RUNX1T1: variants seen among roughly 807,000 people sequenced by gnomAD.
RUNX1T1 encodes protein CBFA2T1.
A neutral mutation model predicts 62.8 loss-of-function variants in RUNX1T1; 4 were observed. The ratio of observed to expected loss-of-function variants is 0.06; its 90% CI spans 0.03 to 0.15. The LOEUF (loss-of-function observed/expected upper bound fraction) is 0.15, where lower values mean the gene tolerates loss of function less well. Among genes scored for constraint, RUNX1T1 ranks in the 10% least tolerant of loss-of-function variants. The pLI is 1.00. For synonymous variants in RUNX1T1, 291 were observed against 286.0 expected, an observed-to-expected ratio of 1.02 and a Z score of -0.18; for missense variants, 508 against 754.3, an observed-to-expected ratio of 0.67 and a Z score of 3.82.
At chr8:92,072,255 A>T (rs1243981226) in intron 2 of RUNX1T1, among the ~76,000 whole-genome samples, 1 of 152,224 alleles carries the variant, frequency 6.6e-6, no homozygotes, top group East Asian at 1.9e-4. Flanking sequence ...TACATAATTA[A>T]CATTGTTATT....
intron 8 of RUNX1T1, among the ~76,000 whole-genome samples, chr8:91,978,926 C>T (rs921990285): frequency 7.2e-5 from 11 of 152,122 alleles, no homozygotes; most frequent in African/African-American, 2.7e-4. Flanking sequence ...ACATAGAAAC[C>T]CAATAGAAAT....
chr8:92,021,349 G>A (rs2131213490), intron 1 of RUNX1T1, among the ~76,000 whole-genome samples: 1 of 152,198 alleles, frequency 6.6e-6, no homozygotes, highest in Middle Eastern at 3.4e-3. Flanking sequence ...CCAATGTCTG[G>A]GTGTCAGATG....
intron 1 of RUNX1T1, among the ~76,000 whole-genome samples, chr8:92,041,345 C>T (rs1273247715): frequency 3.3e-5 from 5 of 152,182 alleles, no homozygotes; most frequent in African/African-American, 1.2e-4. Flanking sequence ...CAGGATTTCA[C>T]AAAGGCCGGG....
chr8:92,048,821 G>A (rs1373378139), intron 1 of RUNX1T1, among the ~76,000 whole-genome samples: 13 of 152,188 alleles, frequency 8.5e-5, no homozygotes. Context: ...CCAAGTAACT[G>A]AAATTGAAAA....
At chr8:92,062,165 C>G (rs914886047) in intron 1 of RUNX1T1, among the ~76,000 whole-genome samples, 4 of 152,178 alleles carry the variant, frequency 2.6e-5, no homozygotes, top group Non-Finnish European at 4.4e-5. Context: ...TCTGAAAACT[C>G]TCTCCACAGA....
chr8:92,071,181 T>C (rs1176105304), intron 2 of RUNX1T1: 1 of 152,162 alleles, frequency 6.6e-6, no homozygotes, highest in Non-Finnish European at 1.5e-5. Context: ...ATATTCCAAT[T>C]CCAAGAAAAG....
chr8:92,009,073 T>G (rs1225465864), intron 4 of RUNX1T1, among the ~76,000 whole-genome samples: 2 of 152,138 alleles, frequency 1.3e-5, no homozygotes, highest in African/African-American at 4.8e-5. Context: ...AGTTTCAAAT[T>G]TAAACGTATG....
intron 1 of RUNX1T1, among the ~76,000 whole-genome samples, chr8:92,021,924 T>C (rs940930821): frequency 6.7e-6 from 1 of 150,330 alleles, no homozygotes; most frequent in Non-Finnish European, 1.5e-5. Flanking sequence ...CCCGTCCCAC[T>C]TGCACATTCT....
At chr8:91,970,831 C>T (rs756642973) in exon 10 of RUNX1T1, 1 of 1,609,666 alleles carries the variant, frequency 6.2e-7, no homozygotes, top group Non-Finnish European at 8.5e-7. Context: ...TGGCGCTTCA[C>T]CTCATTGACG....
At chr8:92,092,186 C>T (rs1837128684) in intron 1 of RUNX1T1, among the ~76,000 whole-genome samples, 2 of 152,208 alleles carry the variant, frequency 1.3e-5, no homozygotes, top group South Asian at 2.1e-4. Context: ...ATATGGATAG[C>T]GTTGCCATTC....
chr8:91,964,897 C>G (rs893998687), intron 10 of RUNX1T1, among the ~76,000 whole-genome samples: 5 of 152,208 alleles, frequency 3.3e-5, no homozygotes, highest in African/African-American at 1.2e-4. Context: ...AACTTCATCA[C>G]TTTGTGGCTT....
chr8:92,100,434 A>G (rs139707207), upstream of RUNX1T1, among the ~76,000 whole-genome samples: 4 of 152,390 alleles, frequency 2.6e-5, no homozygotes, highest in African/African-American at 7.2e-5. Context: ...CTGAACAAAA[A>G]TATTTAATAA....
chr8:92,067,378 C>T (rs976127100), upstream of RUNX1T1, among the ~76,000 whole-genome samples: 3 of 152,328 alleles, frequency 2.0e-5, no homozygotes, highest in Non-Finnish European at 2.9e-5. Flanking sequence ...CTAGAAGTCA[C>T]AACCCCTAGC....
At chr8:92,031,862 C>T (rs982311740) in intron 1 of RUNX1T1, among the ~76,000 whole-genome samples, 3 of 151,854 alleles carry the variant, frequency 2.0e-5, no homozygotes, top group Admixed American at 6.6e-5. Flanking sequence ...GAGGCTGAGG[C>T]GGGCGGGTCA....
intron 1 of RUNX1T1, among the ~76,000 whole-genome samples, chr8:92,078,172 A>G (rs1039880995): frequency 6.6e-6 from 1 of 152,016 alleles, no homozygotes. Context: ...TTTATATATG[A>G]AACAATATAT....
At chr8:92,008,939 T>C (rs1272705593) in intron 4 of RUNX1T1, among the ~76,000 whole-genome samples, 1 of 152,368 alleles carries the variant, frequency 6.6e-6, no homozygotes, top group East Asian at 1.9e-4. Context: ...TATCTATGAC[T>C]GCTTTCACTG....
At chr8:91,992,607 T>C (rs1006810026) in intron 5 of RUNX1T1, among the ~76,000 whole-genome samples, 5 of 152,152 alleles carry the variant, frequency 3.3e-5, no homozygotes, top group Admixed American at 2.6e-4. Context: ...TCTGGGACCC[T>C]GACATTATCT....
At chr8:92,029,193 G>A (rs573983589) in intron 1 of RUNX1T1, among the ~76,000 whole-genome samples, 3 of 152,120 alleles carry the variant, frequency 2.0e-5, no homozygotes, top group African/African-American at 7.2e-5. Flanking sequence ...ACTCTAGGGG[G>A]AAAAAAAGTA....
intron 10 of RUNX1T1, among the ~76,000 whole-genome samples, chr8:91,969,656 T>A (rs376109742): frequency 2.0e-5 from 3 of 152,170 alleles, no homozygotes; most frequent in East Asian, 3.9e-4. Flanking sequence ...ATTCCTTTTG[T>A]CCCCTTGTTA....
Sources: gnomAD v4.1 joint callset for allele counts (sites outside exome capture counted in the v4.1 genomes callset) on GRCh38, gnomAD v4.1.1 for gene constraint, MANE v1.5 for transcripts, NCBI Gene and HGNC (gene_info 2026-07-23, HGNC 2026-07-21) for gene names.